Variants in DPYD observed in about 807,000 individuals in gnomAD.
The protein encoded by DPYD is dihydropyrimidine dehydrogenase.
DPYD carries 109 observed loss-of-function variants against 116.2 expected under a neutral mutation model. The ratio of observed to expected loss-of-function variants is 0.94; its 90% CI spans 0.80 to 1.10. DPYD has a LOEUF of 1.10. Among genes scored for constraint, DPYD ranks in the 50% least tolerant of loss-of-function variants. The pLI is 0.00. For synonymous variants in DPYD, 440 were observed against 432.0 expected (o/e 1.02, Z -0.23); for missense variants, 1,302 against 1,254.5 (o/e 1.04, Z -0.57).
chr1:97,503,584 C>T (rs2101938394), intron 13 of DPYD, among the ~76,000 whole-genome samples: 1 of 152,080 alleles, frequency 6.6e-6, no homozygotes, highest in South Asian at 2.1e-4. Context: ...CTCAACCTTT[C>T]TTTCTTCTCT....
chr1:97,079,046 T>C lies in DPYD; in HGVS notation c.3008A>G (p.Lys1003Arg). The C allele has an allele frequency of 6.2e-7, 1 of 1,613,770 alleles. No individual in the cohort carries two copies. The highest frequency in any genetic ancestry group is 8.5e-7 in the Non-Finnish European group (1 of 1,179,728). Residue 1003 changes from lysine (K) to arginine (R), a missense_variant, in exon 23 of 23, where the codon AAA becomes AGA. Transcript: ENST00000370192. ...ATAAGGTGTTGTCCTGGAAACCATT[T>C]TGATGCAGTCGACAATAGGGCAAAC... ...LSVCPIVDCIKMVSRTTPYEP... is the reference protein window; with the variant it reads ...LSVCPIVDCIRMVSRTTPYEP...
intron 8 of DPYD, among the ~76,000 whole-genome samples, chr1:97,642,199 C>G (rs1222366942): frequency 1.3e-5 from 2 of 151,974 alleles, no homozygotes; most frequent in African/African-American, 4.8e-5. Context: ...TCAGTGCGAT[C>G]CTCATCAAGC....
intron 2 of DPYD, among the ~76,000 whole-genome samples, chr1:97,858,203 T>C (rs1237256754): frequency 6.6e-6 from 1 of 152,150 alleles, no homozygotes; most frequent in Non-Finnish European, 1.5e-5. Flanking sequence ...TTGATAGGAC[T>C]GGAATCTGTA....
chr1:97,488,879 C>CA (rs1407648502), intron 13 of DPYD, among the ~76,000 whole-genome samples: 1 of 152,200 alleles, frequency 6.6e-6, no homozygotes, highest in Non-Finnish European at 1.5e-5. Context: ...AATATGACTG[C>CA]AGAACTGCCT....
chr1:97,315,258 T>C (rs1667752502), intron 16 of DPYD, among the ~76,000 whole-genome samples: 1 of 151,864 alleles, frequency 6.6e-6, no homozygotes, highest in Admixed American at 6.6e-5. Flanking sequence ...CTCCTTTAGG[T>C]GTGCCTCGCT....
intron 16 of DPYD, among the ~76,000 whole-genome samples, chr1:97,306,630 A>G (rs982897557): frequency 2.6e-5 from 4 of 151,958 alleles, no homozygotes; most frequent in Non-Finnish European, 5.9e-5. Flanking sequence ...TTTTGATGTT[A>G]AGTACAAGAA....
intron 13 of DPYD, among the ~76,000 whole-genome samples, chr1:97,476,380 T>TA (rs1172713606): frequency 6.6e-6 from 1 of 152,044 alleles, no homozygotes; most frequent in Non-Finnish European, 1.5e-5. Flanking sequence ...TAGAAAATGA[T>TA]AAAAAATATG....
chr1:97,676,440 C>T (rs1013291363), intron 8 of DPYD, among the ~76,000 whole-genome samples: 27 of 152,102 alleles, frequency 1.8e-4, no homozygotes, highest in African/African-American at 6.3e-4. Flanking sequence ...ATGGTAACTA[C>T]CCACAGACCA....
intron 13 of DPYD, among the ~76,000 whole-genome samples, chr1:97,514,685 T>A (rs994763645): frequency 6.6e-6 from 1 of 151,844 alleles, no homozygotes; most frequent in Non-Finnish European, 1.5e-5. Flanking sequence ...ATATAAAAAA[T>A]CTTTACGAAG....
At chr1:97,422,731 T>C (rs12403515) in intron 14 of DPYD, among the ~76,000 whole-genome samples, 12,470 of 152,154 alleles carry the variant, frequency 0.082, 1,322 homozygotes, top group East Asian at 0.48. Flanking sequence ...AGAAAACATA[T>C]ATGACACTTG....
intron 2 of DPYD, among the ~76,000 whole-genome samples, chr1:97,871,467 A>G (rs1337633368): frequency 6.6e-6 from 1 of 151,734 alleles, no homozygotes; most frequent in Non-Finnish European, 1.5e-5. Flanking sequence ...GCAGGAGCTC[A>G]CACAAGAGAG....
chr1:97,717,221 C>T (rs1008801303), intron 5 of DPYD, among the ~76,000 whole-genome samples: 2 of 151,814 alleles, frequency 1.3e-5, no homozygotes. Context: ...TGCATTACTG[C>T]AAATAGTATA....
At chr1:97,596,386 T>C (rs1019925494) in intron 8 of DPYD, among the ~76,000 whole-genome samples, 4 of 152,172 alleles carry the variant, frequency 2.6e-5, no homozygotes, top group Non-Finnish European at 5.9e-5. Flanking sequence ...ATATATCAAC[T>C]ATAAATTAGT....
chr1:97,531,144 C>A (rs762142560), intron 12 of DPYD, among the ~76,000 whole-genome samples: 14 of 152,058 alleles, frequency 9.2e-5, no homozygotes, highest in Non-Finnish European at 2.1e-4. Flanking sequence ...TCTCCTTTTG[C>A]TTTTGTTGAC....
At chr1:97,767,695 A>G (rs551612117) in intron 3 of DPYD, among the ~76,000 whole-genome samples, 3 of 152,004 alleles carry the variant, frequency 2.0e-5, no homozygotes, top group South Asian at 2.1e-4. Flanking sequence ...GACAGGATGC[A>G]TAAGTATACT....
Position 97,373,612 on chromosome 1 carries a change from T to C in DPYD, c.2007A>G (p.Leu669=), listed in dbSNP as rs762083671. 4 of 1,613,880 alleles carry C rather than the reference T, an allele frequency of 2.5e-6. No homozygotes were observed. Among genetic ancestry groups the C allele is most frequent in the Non-Finnish European group, 2.5e-6 (3 of 1,179,818 alleles). The change falls in exon 16 of 23, where the codon TTA becomes TTG. Residue 669 remains leucine (L), a synonymous_variant. Coordinates refer to ENST00000370192, the MANE Select transcript of DPYD (RefSeq NM_000110.4). ...DSGADALELN[L]SCPHGMGERG... is the part of the protein sequence containing the mutation. ...TTTCTCCCATGCCATGTGGACATGA[T>C]AAATTTAACTCCAGGGCATCTGCTC...
chr1:97,539,643 A>G (rs970736166), intron 12 of DPYD, among the ~76,000 whole-genome samples: 2 of 152,172 alleles, frequency 1.3e-5, no homozygotes, highest in Non-Finnish European at 2.9e-5. Context: ...GAATAATGAC[A>G]CGGCAAAAAT....
intron 18 of DPYD, among the ~76,000 whole-genome samples, chr1:97,283,799 G>A (rs1374747586): frequency 6.6e-6 from 1 of 152,092 alleles, no homozygotes; most frequent in African/African-American, 2.4e-5. Flanking sequence ...TTTGAATGCT[G>A]GTGTATAGGA....
chr1:97,790,978 T>C (rs1351874082), intron 3 of DPYD, among the ~76,000 whole-genome samples: 2 of 152,216 alleles, frequency 1.3e-5, no homozygotes, highest in Admixed American at 6.5e-5. Flanking sequence ...GTTGAGCTTA[T>C]AGCTTCTTTA....
Sources: gnomAD v4.1 joint callset for allele counts (sites outside exome capture counted in the v4.1 genomes callset) on GRCh38, gnomAD v4.1.1 for gene constraint, MANE v1.5 for transcripts, NCBI Gene and HGNC (gene_info 2026-07-23, HGNC 2026-07-21) for gene names.